CDKN2B-AS1: variants seen among roughly 807,000 people sequenced by gnomAD.
The protein encoded by CDKN2B-AS1 is CDKN2B and CDKN2A antisense cis and trans regulatory RNA 1, also known as CDKN2B antisense RNA 1 (non-protein coding).
At chr9:22,014,857 G>A (rs889217327) in intron 1 of CDKN2B-AS1, among the ~76,000 whole-genome samples, 6 of 148,412 alleles carry the variant, frequency 4.0e-5, no homozygotes, top group African/African-American at 4.9e-5. Flanking sequence ...AGAACATGGC[G>A]GTGTTTGGTT....
chr9:22,072,080 C>A (rs1008360773), intron 4 of CDKN2B-AS1, among the ~76,000 whole-genome samples: 12 of 152,150 alleles, frequency 7.9e-5, no homozygotes, highest in African/African-American at 2.7e-4. Flanking sequence ...AATATGCCTA[C>A]AAAAGCACAT....
exon 5 of CDKN2B-AS1, among the ~76,000 whole-genome samples, chr9:22,127,284 T>A (rs1818034236): frequency 6.6e-6 from 1 of 151,738 alleles, no homozygotes; most frequent in South Asian, 2.1e-4. Flanking sequence ...GTTTCACCAT[T>A]TTGGCCAGGC....
chr9:22,004,683 T>C (rs1292412339), intron 1 of CDKN2B-AS1: 1 of 232,824 alleles, frequency 4.3e-6, no homozygotes, highest in East Asian at 6.1e-5. Context: ...TGTTCAGTGA[T>C]AGTAGGACAT....
intron 4 of CDKN2B-AS1, among the ~76,000 whole-genome samples, chr9:22,078,314 A>G (rs1182997861): frequency 6.6e-6 from 1 of 152,078 alleles, no homozygotes; most frequent in Non-Finnish European, 1.5e-5. Flanking sequence ...CTCGTATCAA[A>G]CTTATCAGTA....
intron 4 of CDKN2B-AS1, chr9:22,118,380 A>G (rs1826011437): frequency 6.6e-6 from 1 of 152,192 alleles, no homozygotes; most frequent in African/African-American, 2.4e-5. Context: ...GAAGAAAATC[A>G]TTGCTATGAA....
In CDKN2B-AS1 at chr9:22,012,781, A is replaced by T. The variant is rs866266811; in HGVS notation, n.29+17620A>T. 3.4e-4 allele frequency among the ~76,000 whole-genome samples: 50 copies of T among 148,056 alleles called. No homozygotes were observed. In the Middle Eastern group the frequency reaches 0.011, roughly 32 times the overall value. ...ATAATCACTTTTGGGGCTTTTTCAAATTTTTTATGAACACACCTTCCCACC... is the reference window on the plus strand; with the variant it reads ...ATAATCACTTTTGGGGCTTTTTCAATTTTTTTATGAACACACCTTCCCACC... On this transcript the variant is annotated intron_variant and non_coding_transcript_variant, in intron 1 of 4. Transcript: ENST00000650946.
intron 4 of CDKN2B-AS1, among the ~76,000 whole-genome samples, chr9:22,090,748 T>G (rs1248697903): frequency 6.6e-6 from 1 of 152,206 alleles, no homozygotes; most frequent in Non-Finnish European, 1.5e-5. Context: ...ATGAGTAGAT[T>G]GCAAATATTT....
intron 1 of CDKN2B-AS1, among the ~76,000 whole-genome samples, chr9:22,013,040 T>A (rs894618780): frequency 3.3e-5 from 5 of 152,238 alleles, no homozygotes; most frequent in Non-Finnish European, 5.9e-5. Flanking sequence ...AGGCTTCTCT[T>A]CTTGACTTGC....
At chr9:22,115,057 C>T (rs939491418) in intron 4 of CDKN2B-AS1, among the ~76,000 whole-genome samples, 5 of 152,148 alleles carry the variant, frequency 3.3e-5, no homozygotes, top group African/African-American at 1.2e-4. Context: ...CCTGAACCCC[C>T]CATCTTCAAT....
At chr9:22,096,962 T>A (rs182063882) in intron 4 of CDKN2B-AS1, among the ~76,000 whole-genome samples, 1 of 152,280 alleles carries the variant, frequency 6.6e-6, no homozygotes, top group East Asian at 1.9e-4. Context: ...TTTCTTTGCC[T>A]GCTGGATTTG....
chr9:22,064,965 C>T (rs1324200856), intron 4 of CDKN2B-AS1, among the ~76,000 whole-genome samples: 1 of 152,152 alleles, frequency 6.6e-6, no homozygotes, highest in South Asian at 2.1e-4. Flanking sequence ...GATATATATG[C>T]TAGGTTTTAT....
chr9:22,086,174 A>G (rs1824862892), intron 4 of CDKN2B-AS1, among the ~76,000 whole-genome samples: 1 of 152,200 alleles, frequency 6.6e-6, no homozygotes, highest in African/African-American at 2.4e-5. Flanking sequence ...GATGAAAATC[A>G]GAATAGATAC....
chr9:22,049,226 C>CA (rs1177895069), exon 3 of CDKN2B-AS1: 1 of 152,060 alleles, frequency 6.6e-6, no homozygotes, highest in Non-Finnish European at 1.5e-5. Context: ...TCAGAGGTAA[C>CA]AGGTAGGAGA....
chr9:22,022,074 A>G (rs1822040679), intron 1 of CDKN2B-AS1, among the ~76,000 whole-genome samples: 1 of 152,262 alleles, frequency 6.6e-6, no homozygotes, highest in African/African-American at 2.4e-5. Flanking sequence ...TTTAATTCCA[A>G]TTATGTGATC....
chr9:22,124,880 C>T (rs1817993298), intron 4 of CDKN2B-AS1, among the ~76,000 whole-genome samples: 1 of 152,224 alleles, frequency 6.6e-6, no homozygotes, highest in Non-Finnish European at 1.5e-5. Context: ...AGCAAACACA[C>T]CACAATGTCT....
intron 1 of CDKN2B-AS1, chr9:22,031,165 C>G (rs562188978): frequency 2.0e-5 from 3 of 152,032 alleles, no homozygotes; most frequent in Admixed American, 6.6e-5. Flanking sequence ...ATTCACTCAC[C>G]CTTTTAAAAA....
intron 4 of CDKN2B-AS1, among the ~76,000 whole-genome samples, chr9:22,108,202 G>A: frequency 6.6e-6 from 1 of 152,110 alleles, no homozygotes. Flanking sequence ...GCTCCATTTT[G>A]AATAAGTCAG....
At chr9:22,112,674 A>C (rs1226782783) in intron 4 of CDKN2B-AS1, among the ~76,000 whole-genome samples, 2 of 152,228 alleles carry the variant, frequency 1.3e-5, no homozygotes, top group Non-Finnish European at 2.9e-5. Flanking sequence ...TGACATTTTT[A>C]GTATATTATA....
chr9:22,085,185 A>T (rs936304519), intron 4 of CDKN2B-AS1, among the ~76,000 whole-genome samples: 10 of 152,222 alleles, frequency 6.6e-5, no homozygotes, highest in Non-Finnish European at 1.2e-4. Flanking sequence ...TTGGGTTATG[A>T]TCAAGGAGAA....
Sources: allele counts gnomAD v4.1 joint callset (sites outside exome capture counted in the v4.1 genomes callset), GRCh38; gene constraint gnomAD v4.1.1; transcripts MANE v1.5; gene names NCBI Gene and HGNC (gene_info 2026-07-23, HGNC 2026-07-21).